DOK6: variants seen among roughly 807,000 people sequenced by gnomAD.
DOK6 encodes the protein downstream of tyrosine kinase 6.
In DOK6, 22 loss-of-function variants were observed where a neutral mutation model predicts 44.0. The observed-to-expected ratio is 0.50, with a 90% CI of 0.36 to 0.71. DOK6 has a LOEUF of 0.71. Among genes scored for constraint, DOK6 ranks in the 30% least tolerant of loss-of-function variants. DOK6 has a pLI of 0.00. For synonymous variants in DOK6, 166 were observed against 145.5 expected, an observed-to-expected ratio of 1.14 and a Z score of -1.01; for missense variants, 340 against 416.4, an observed-to-expected ratio of 0.82 and a Z score of 1.60.
At chr18:69,476,597 G>T (rs2144526728) in intron 1 of DOK6, among the ~76,000 whole-genome samples, 1 of 152,236 alleles carries the variant, frequency 6.6e-6, no homozygotes, top group South Asian at 2.1e-4. Context: ...AGCAGGAGGT[G>T]GCCTCTGCCA....
chr18:69,576,269 G>T (rs1983236629), intron 2 of DOK6, among the ~76,000 whole-genome samples: 1 of 151,552 alleles, frequency 6.6e-6, no homozygotes. Context: ...AAATAGACTA[G>T]TGTGGATTTC....
chr18:69,807,175 G>T lies in DOK6; in HGVS notation c.857-34069G>T, dbSNP rs186979637. ...AGAACTGCAAGTCCTCAGTGTGGAG[G>T]TTTTTTTTAATGCAATCAAAGTTAA... On this transcript the variant is annotated intron_variant, in intron 7 of 7. Transcript: ENST00000382713. Among the ~76,000 whole-genome samples, 510 of 151,394 alleles carry T rather than the reference G, an allele frequency of 3.4e-3. 3 individuals carry two copies. The highest frequency in any genetic ancestry group is 0.012 in the African/African-American group (484 of 41,318).
At position 69,497,599 on chromosome 18, in the gene DOK6, A is replaced by C. The variant is rs570594734; in HGVS notation, c.67-66888A>C. Among the ~76,000 whole-genome samples the C allele has an allele frequency of 2.6e-5, 4 of 152,338 alleles. 1 individual carries two copies. The South Asian group carries it at 8.3e-4, about 32-fold the overall frequency. On this transcript the variant is annotated intron_variant, in intron 1 of 7. Coordinates refer to ENST00000382713, the MANE Select transcript of DOK6 (RefSeq NM_152721.6). ...ATTTATGAACTCCAAGTTGATAGTC[A>C]TCATGTCCATCTTATTCCCCTGCAT... is the stretch of plus-strand genomic sequence containing the variant.
chr18:69,712,085 T>C (rs926250481), intron 5 of DOK6, among the ~76,000 whole-genome samples: 2 of 149,684 alleles, frequency 1.3e-5, no homozygotes, highest in Admixed American at 1.3e-4. Context: ...ATCGAGACCA[T>C]CCCGGCTAAA....
chr18:69,795,300 G>A (rs1188834238), intron 7 of DOK6, among the ~76,000 whole-genome samples: 2 of 152,014 alleles, frequency 1.3e-5, no homozygotes, highest in African/African-American at 4.8e-5. Flanking sequence ...CCAGACGATG[G>A]CAAAGGCTGT....
chr18:69,425,937 T>A (rs571400120), intron 1 of DOK6, among the ~76,000 whole-genome samples: 59 of 152,240 alleles, frequency 3.9e-4, no homozygotes. Flanking sequence ...TCTGGAGAAA[T>A]TTTTCACTGC....
chr18:69,480,363 G>A (rs1034892365), intron 1 of DOK6, among the ~76,000 whole-genome samples: 13 of 151,996 alleles, frequency 8.6e-5, no homozygotes, highest in African/African-American at 2.9e-4. Flanking sequence ...GAGTGTCAAA[G>A]ATATGAATCT....
At chr18:69,643,207 T>C (rs1000325514) in intron 3 of DOK6, among the ~76,000 whole-genome samples, 1 of 152,234 alleles carries the variant, frequency 6.6e-6, no homozygotes, top group Admixed American at 6.5e-5. Context: ...TTTGCAAAAC[T>C]ATAGTATAAT....
At chr18:69,720,024 A>G (rs2144722745) in intron 5 of DOK6, among the ~76,000 whole-genome samples, 1 of 152,204 alleles carries the variant, frequency 6.6e-6, no homozygotes, top group Non-Finnish European at 1.5e-5. Flanking sequence ...ACCCATCTCT[A>G]CTAAAAATAC....
In DOK6 at chr18:69,843,888, A is replaced by G. The variant is rs1228146283; in HGVS notation, c.*2505A>G. ...AATTCTAGCATACTCCTCCAAGTAC[A>G]CTCACAATTGTAGCTGAGTCAAGAC... is the stretch of plus-strand genomic sequence containing the variant. On this transcript the variant is annotated 3_prime_UTR_variant, in exon 8 of 8. Coordinates refer to ENST00000382713, the MANE Select transcript of DOK6 (RefSeq NM_152721.6). 2 of 152,172 alleles carry G rather than the reference A, an allele frequency of 1.3e-5. No homozygotes were observed. The highest frequency in any genetic ancestry group is 2.9e-5 in the Non-Finnish European group (2 of 68,024). 9.4% of individuals were successfully genotyped at this position (152,172 alleles called of 1,614,324 possible).
chr18:69,792,877 C>T (rs1980640276), intron 7 of DOK6, among the ~76,000 whole-genome samples: 1 of 151,856 alleles, frequency 6.6e-6, no homozygotes, highest in Non-Finnish European at 1.5e-5. Flanking sequence ...AAAAGTGATG[C>T]AAATTATAGA....
intron 1 of DOK6, among the ~76,000 whole-genome samples, chr18:69,496,331 C>T (rs1338039214): frequency 6.6e-6 from 1 of 152,196 alleles, no homozygotes; most frequent in African/African-American, 2.4e-5. Flanking sequence ...AGCTGCATAC[C>T]GGGAGTTCCC....
intron 3 of DOK6, among the ~76,000 whole-genome samples, chr18:69,605,017 G>C (rs1167088249): frequency 1.3e-5 from 2 of 150,842 alleles, no homozygotes; most frequent in Non-Finnish European, 2.9e-5. Flanking sequence ...ATGGCCTCTG[G>C]ATAGAAAATT....
chr18:69,728,156 T>C (rs1473918702), intron 5 of DOK6, among the ~76,000 whole-genome samples: 1 of 152,180 alleles, frequency 6.6e-6, no homozygotes, highest in African/African-American at 2.4e-5. Flanking sequence ...GTCCTCCACA[T>C]TGGAATTTTT....
chr18:69,427,297 A>G (rs897928934), intron 1 of DOK6, among the ~76,000 whole-genome samples: 1 of 152,328 alleles, frequency 6.6e-6, no homozygotes, highest in East Asian at 1.9e-4. Flanking sequence ...AAACTACCAC[A>G]TAAAAACGTG....
intron 1 of DOK6, among the ~76,000 whole-genome samples, chr18:69,482,402 T>A (rs10513962): frequency 0.24 from 36,290 of 150,612 alleles, 4,767 homozygotes; most frequent in East Asian, 0.53. Flanking sequence ...TAGAGAGGGG[T>A]TCATCCAAGT....
At chr18:69,626,866 C>T (rs937702923) in intron 3 of DOK6, among the ~76,000 whole-genome samples, 1 of 152,150 alleles carries the variant, frequency 6.6e-6, no homozygotes, top group Non-Finnish European at 1.5e-5. Flanking sequence ...CTCAAAGAGG[C>T]AGTTATAGTT....
At chr18:69,838,210 G>A (rs1395174140) in intron 7 of DOK6, among the ~76,000 whole-genome samples, 1 of 147,268 alleles carries the variant, frequency 6.8e-6, no homozygotes, top group Non-Finnish European at 1.5e-5. Flanking sequence ...CTCAGCATTT[G>A]TTCTCTTTCA....
At chr18:69,527,988 C>G (rs1309958430) in intron 1 of DOK6, among the ~76,000 whole-genome samples, 2 of 151,820 alleles carry the variant, frequency 1.3e-5, no homozygotes, top group Non-Finnish European at 2.9e-5. Flanking sequence ...ATGGTGAAAC[C>G]CTGTCTCTAC....
Sources: gnomAD v4.1 joint callset for allele counts (sites outside exome capture counted in the v4.1 genomes callset) on GRCh38, gnomAD v4.1.1 for gene constraint, MANE v1.5 for transcripts, NCBI Gene and HGNC (gene_info 2026-07-23, HGNC 2026-07-21) for gene names.